Variants in FSHR observed in about 807,000 individuals in gnomAD.
FSHR encodes the protein follicle-stimulating hormone receptor.
A neutral mutation model predicts 52.1 loss-of-function variants in FSHR; 46 were observed. That is an observed-to-expected ratio of 0.88 (90% CI 0.70 to 1.13). FSHR has a LOEUF of 1.13. Among genes scored for constraint, FSHR ranks in the 50% most tolerant of loss-of-function variants. The pLI is 0.00. For missense variants in FSHR, 964 were observed against 834.6 expected (o/e 1.16, Z -1.91); for synonymous variants, 399 against 309.6 (o/e 1.29, Z -3.03).
chr2:49,027,826 G>C (rs866721749), intron 2 of FSHR, among the ~76,000 whole-genome samples: 6 of 138,932 alleles, frequency 4.3e-5, no homozygotes, highest in South Asian at 2.3e-4. Flanking sequence ...CTCCAGCCTG[G>C]ATGACAGAGT....
intron 1 of FSHR, 139 bp from the exon 2 acceptor site, chr2:49,068,429 C>G: frequency 1.4e-6 from 1 of 721,350 alleles, no homozygotes; most frequent in South Asian, 1.5e-5. Context: ...TTTACATTCT[C>G]TCTTTTCATC....
chr2:49,029,648 G>T (rs951676893), intron 2 of FSHR, among the ~76,000 whole-genome samples: 1 of 152,178 alleles, frequency 6.6e-6, no homozygotes, highest in Non-Finnish European at 1.5e-5. Context: ...AATAATGCAT[G>T]TCATGCACTA....
intron 4 of FSHR, among the ~76,000 whole-genome samples, chr2:49,016,410 G>T (rs1056294741): frequency 4.6e-5 from 7 of 152,130 alleles, no homozygotes; most frequent in Non-Finnish European, 1.0e-4. Context: ...TAGTGTGCTA[G>T]TTCAGGATCT....
chr2:48,963,826 T>G lies in FSHR; in HGVS notation c.995A>C (p.Glu332Ala). The G allele has an allele frequency of 1.2e-6, 2 of 1,614,136 alleles. No individual in the cohort carries two copies. The highest frequency in any genetic ancestry group is 1.7e-6 in the Non-Finnish European group (2 of 1,180,006). ...YSRGFDMTYT[E>A]FDYDLCNEVV... ...TTCATTGCATAAGTCATAGTCAAACTCAGTGTACGTCATGTCAAATCCTCT... is the reference window on the plus strand; with the variant it reads ...TTCATTGCATAAGTCATAGTCAAACGCAGTGTACGTCATGTCAAATCCTCT... Residue 332 changes from glutamate (E) to alanine (A), a missense_variant, in exon 10 of 10, where the codon GAG (glutamate) becomes GCG (alanine). Transcript: ENST00000406846.
chr2:48,973,844 T>A (rs1674857091), intron 8 of FSHR, among the ~76,000 whole-genome samples: 2 of 152,200 alleles, frequency 1.3e-5, no homozygotes, highest in South Asian at 4.1e-4. Context: ...TGCAGAATAT[T>A]GCACCTTGTG....
intron 2 of FSHR, among the ~76,000 whole-genome samples, chr2:49,059,346 C>A (rs2104320867): frequency 6.6e-6 from 1 of 151,958 alleles, no homozygotes; most frequent in South Asian, 2.1e-4. Flanking sequence ...ACAAAGTTGG[C>A]AGCATCAAAC....
intron 1 of FSHR, among the ~76,000 whole-genome samples, chr2:49,123,774 G>T (rs1450043979): frequency 6.6e-6 from 1 of 152,146 alleles, no homozygotes; most frequent in Non-Finnish European, 1.5e-5. Flanking sequence ...GAAGCACTGG[G>T]AGAGGACAAA....
chr2:49,133,055 G>A (rs527956364), intron 1 of FSHR, among the ~76,000 whole-genome samples: 19 of 151,214 alleles, frequency 1.3e-4, no homozygotes, highest in African/African-American at 4.6e-4. Flanking sequence ...TCTCAGAGCG[G>A]GTGGAGACCC....
chr2:49,015,005 G>A, intron 4 of FSHR: 1 of 418,726 alleles, frequency 2.4e-6, no homozygotes, highest in South Asian at 1.8e-5. Context: ...AACTAACTGG[G>A]TAACAGGCAC....
At chr2:49,146,012 A>G (rs1225891959) in intron 1 of FSHR, among the ~76,000 whole-genome samples, 1 of 152,006 alleles carries the variant, frequency 6.6e-6, no homozygotes, top group African/African-American at 2.4e-5. Flanking sequence ...GAGATGAGAT[A>G]GAAGAGTTAA....
At chr2:49,120,701 C>T (rs1299094964) in intron 1 of FSHR, among the ~76,000 whole-genome samples, 1 of 140,622 alleles carries the variant, frequency 7.1e-6, no homozygotes, top group Non-Finnish European at 1.6e-5. Context: ...ATACTTTGGA[C>T]ATATTATACA....
chr2:49,137,375 A>T (rs531305637), intron 1 of FSHR, among the ~76,000 whole-genome samples: 2 of 152,126 alleles, frequency 1.3e-5, no homozygotes, highest in African/African-American at 4.8e-5. Flanking sequence ...TTACATATTC[A>T]TAGGTCAGAA....
intron 6 of FSHR, among the ~76,000 whole-genome samples, chr2:48,987,268 A>G (rs964979105): frequency 7.9e-5 from 12 of 152,132 alleles, no homozygotes; most frequent in Admixed American, 1.3e-4. Flanking sequence ...CAGTGGTGCA[A>G]TCTTGGCTCA....
At chr2:49,043,020 T>C (rs1184683131) in intron 2 of FSHR, among the ~76,000 whole-genome samples, 1 of 152,146 alleles carries the variant, frequency 6.6e-6, no homozygotes, top group Non-Finnish European at 1.5e-5. Context: ...ATCCAAGATA[T>C]CTACAAATGA....
intron 1 of FSHR, among the ~76,000 whole-genome samples, chr2:49,134,039 G>A (rs991868652): frequency 1.6e-4 from 25 of 152,032 alleles, no homozygotes; most frequent in Non-Finnish European, 2.6e-4. Flanking sequence ...CACCAAAAGC[G>A]ATGGCAACAA....
rs554165045 is a variant in FSHR, at chr2:49,106,144, T to A, written c.153-37854A>T. Among the ~76,000 whole-genome samples, 5 of 152,330 alleles carry A rather than the reference T, an allele frequency of 3.3e-5. No homozygotes were observed. The South Asian group carries it at 1.0e-3, about 32-fold the overall frequency. On this transcript the variant is annotated intron_variant, in intron 1 of 9. Coordinates refer to ENST00000406846, the MANE Select transcript of FSHR (RefSeq NM_000145.4). ...ATGAAGAGAAGACTCTCTACCTGCC[T>A]ATCTCTCCTTCCTGAGACCTCAGGC... is the stretch of plus-strand genomic sequence containing the variant.
At chr2:49,088,194 C>G (rs954303749) in intron 1 of FSHR, among the ~76,000 whole-genome samples, 10 of 152,068 alleles carry the variant, frequency 6.6e-5, no homozygotes, top group Admixed American at 6.6e-4. Flanking sequence ...GTATGTGGTG[C>G]AGAGGGATAA....
At chr2:49,116,851 T>G (rs1457937732) in intron 1 of FSHR, among the ~76,000 whole-genome samples, 2 of 152,338 alleles carry the variant, frequency 1.3e-5, no homozygotes, top group East Asian at 3.9e-4. Context: ...CCCAACATTC[T>G]GCTTTGTTGG....
chr2:49,026,850 G>A (rs1222552786), intron 2 of FSHR, among the ~76,000 whole-genome samples: 3 of 151,838 alleles, frequency 2.0e-5, no homozygotes, highest in Non-Finnish European at 2.9e-5. Context: ...TTTTCCTGTT[G>A]ACCCCCTGAG....
Sources: gnomAD v4.1 joint callset for allele counts (sites outside exome capture counted in the v4.1 genomes callset) on GRCh38, gnomAD v4.1.1 for gene constraint, MANE v1.5 for transcripts, NCBI Gene and HGNC (gene_info 2026-07-23, HGNC 2026-07-21) for gene names.